Variants in MAZ observed in about 807,000 individuals in gnomAD.
The protein encoded by MAZ is MYC associated zinc finger protein.
MAZ carries 4 observed loss-of-function variants against 32.7 expected under a neutral mutation model. That is an observed-to-expected ratio of 0.12 (90% CI 0.06 to 0.28). MAZ has a LOEUF of 0.28. Ranked by LOEUF, MAZ falls within the 10% of genes least tolerant of loss-of-function variation. The pLI is 1.00. For synonymous variants in MAZ, 510 were observed against 297.6 expected (o/e 1.71, Z -7.35); for missense variants, 763 against 667.2 (o/e 1.14, Z -1.58).
rs1341053875 is a variant in MAZ, at chr16:29,811,143, A to G, written c.*912A>G. The G allele has an allele frequency of 4.7e-6, 2 of 430,044 alleles. No individual in the cohort carries two copies. The highest frequency in any genetic ancestry group is 5.4e-5 in the Admixed American group (2 of 37,152). The allele number at this position is 430,044 out of a possible 1,614,324, so 26.6% of individuals were successfully genotyped here. ...TTCCTTTTGCGCGGACCCCATTACAATAAATTTTAAATAAAATCCTGTTTC... is the reference window on the plus strand; with the variant it reads ...TTCCTTTTGCGCGGACCCCATTACAGTAAATTTTAAATAAAATCCTGTTTC... On this transcript the variant is annotated 3_prime_UTR_variant, in exon 5 of 5. Coordinates refer to ENST00000322945, the MANE Select transcript of MAZ (RefSeq NM_002383.4).
intron 4 of MAZ, 173 bp downstream of exon 4, chr16:29,808,914 A>G: frequency 1.6e-6 from 1 of 619,198 alleles, no homozygotes; most frequent in Admixed American, 3.1e-5. Context: ...ATTAGACTCT[A>G]AGAAGTCCTG....
intron 2 of MAZ, 147 bp downstream of exon 2, chr16:29,807,975 C>G (rs1373223092): frequency 2.8e-6 from 4 of 1,405,540 alleles, no homozygotes; most frequent in East Asian, 5.0e-5. Context: ...AAGCCTCTCC[C>G]GGTTACCAGG....
intron 4 of MAZ, 50 bp from the exon 5 acceptor site, chr16:29,810,027 G>A (rs746633277): frequency 1.3e-6 from 2 of 1,573,782 alleles, no homozygotes; most frequent in South Asian, 1.2e-5. Flanking sequence ...TGAGGGCAAG[G>A]CTCTTGCCAT....
At position 29,807,406 on chromosome 16, in the gene MAZ, G is replaced by A. The variant is rs1164973881; in HGVS notation, c.621G>A (p.Arg207=). 9 of 1,612,298 alleles carry A rather than the reference G, an allele frequency of 5.6e-6. No individual in the cohort carries two copies. The highest frequency in any genetic ancestry group is 5.5e-5 in the South Asian group (5 of 91,080). The change falls in exon 2 of 5, where the codon AGG becomes AGA. Residue 207 remains arginine, a synonymous_variant. Coordinates refer to ENST00000322945, the MANE Select transcript of MAZ (RefSeq NM_002383.4). Reference sequence around the variant, plus strand: ...TCAAGAACGGCTACAATCTCCGGAGGCACGAAGCCATCCACACGGGAGCCA... The same window carrying A: ...TCAAGAACGGCTACAATCTCCGGAGACACGAAGCCATCCACACGGGAGCCA... ...KEFKNGYNLR[R]HEAIHTGAKA...
At chr16:29,809,244 C>G (rs1255287800) in intron 4 of MAZ, 3 of 533,128 alleles carry the variant, frequency 5.6e-6, no homozygotes, top group South Asian at 5.0e-5. Context: ...GAGGGTCAAC[C>G]CTGCAAGTGG....
intron 4 of MAZ, 167 bp from the exon 5 acceptor site, chr16:29,809,910 T>TGAG: frequency 8.1e-7 from 1 of 1,230,026 alleles, no homozygotes. Flanking sequence ...GGAGGATCCT[T>TGAG]GAGAACTGCT....
At position 29,807,631 on chromosome 16, in the gene MAZ, G is replaced by C. The variant is rs748475913; in HGVS notation, c.846G>C (p.Glu282Asp). 1.9e-6 allele frequency: 3 copies of C among 1,612,652 alleles called. No individual in the cohort carries two copies. The highest frequency in any genetic ancestry group is 2.7e-5 in the African/African-American group (2 of 74,928). ...GKRIRKNHACEMCGKAFRDVY... is the reference protein window; with the variant it reads ...GKRIRKNHACDMCGKAFRDVY... Reference sequence around the variant, plus strand: ...GCATCCGGAAGAACCATGCCTGCGAGATGTGTGGCAAGGCCTTCCGCGACG... The same window carrying C: ...GCATCCGGAAGAACCATGCCTGCGACATGTGTGGCAAGGCCTTCCGCGACG... The change falls in exon 2 of 5, where the codon GAG becomes GAC. Residue 282 changes from glutamate (E) to aspartate (D), a missense_variant. Glu to Asp is a conservative substitution (Grantham distance 45). Transcript: ENST00000322945.
chr16:29,807,371 G>T lies in MAZ; in HGVS notation c.586G>T (p.Ala196Ser). The T allele has an allele frequency of 6.2e-7, 1 of 1,612,408 alleles. No individual in the cohort carries two copies. Among genetic ancestry groups the T allele is most frequent in the Non-Finnish European group, 8.5e-7 (1 of 1,179,734 alleles). The change falls in exon 2 of 5, where the codon GCC (alanine) becomes TCC (serine). Residue 196 changes from alanine (A) to serine (S), a missense_variant. Physicochemically the swap from Ala to Ser is moderately conservative, Grantham distance 99. Coordinates refer to ENST00000322945, the MANE Select transcript of MAZ (RefSeq NM_002383.4). Reference protein sequence around the residue: ...SKGPYICALCAKEFKNGYNLR... With the variant: ...SKGPYICALCSKEFKNGYNLR... Reference sequence around the variant, plus strand: ...GGGGCCCTACATCTGCGCTCTGTGCGCCAAGGAGTTCAAGAACGGCTACAA... The same window carrying T: ...GGGGCCCTACATCTGCGCTCTGTGCTCCAAGGAGTTCAAGAACGGCTACAA...
intron 4 of MAZ, chr16:29,809,811 A>T: frequency 3.7e-6 from 4 of 1,086,034 alleles, no homozygotes; most frequent in Non-Finnish European, 5.1e-6. Context: ...GGTGTGGGGG[A>T]CAACGGGGCT....
rs200389765 is a variant in MAZ at position 29,806,795 on chromosome 16, C to T, written c.94C>T (p.Pro32Ser). Residue 32 changes from proline to serine, a missense_variant, in exon 1 of 5, where the codon CCG (proline) becomes TCG (serine). Pro to Ser is a moderately conservative substitution (Grantham distance 74). Coordinates refer to ENST00000322945, the MANE Select transcript of MAZ (RefSeq NM_002383.4). ...GGTGGGCGGCCTCATGAACTCCTTC[C>T]CGCCACCTCAGGGTCACGCCCAGAA... is the stretch of plus-strand genomic sequence containing the variant. The part of the protein sequence containing the change: ...RGVGGLMNSF[P>S]PPQGHAQNPL... The T allele has an allele frequency of 9.8e-6, 14 of 1,434,602 alleles. No individual in the cohort carries two copies. Among genetic ancestry groups the T allele is most frequent in the Non-Finnish European group, 1.3e-5 (14 of 1,087,338 alleles). 88.9% of individuals were successfully genotyped at this position (1,434,602 alleles called of 1,614,324 possible).
chr16:29,807,872 G>C, intron 2 of MAZ, 44 bp downstream of exon 2: 1 of 1,586,034 alleles, frequency 6.3e-7, no homozygotes, highest in Non-Finnish European at 8.5e-7. Context: ...TGGGGAGGGA[G>C]GGACGCGACG....
rs746173841 is a variant in MAZ at position 29,810,152 on chromosome 16, C to T, written c.1355C>T (p.Pro452Leu). The T allele has an allele frequency of 1.2e-6, 2 of 1,611,170 alleles. No homozygotes were observed. Among genetic ancestry groups the T allele is most frequent in the Admixed American group, 1.7e-5 (1 of 59,702 alleles). ...AAAAAAAVAA[P>L]PTAVGSLSGA... Reference sequence around the variant, plus strand: ...GCAGCAGCGGCAGCAGTAGCAGCCCCTCCCACAGCTGTGGGCTCCCTCTCG... The same window carrying T: ...GCAGCAGCGGCAGCAGTAGCAGCCCTTCCCACAGCTGTGGGCTCCCTCTCG... Residue 452 changes from proline (P) to leucine (L), a missense_variant, in exon 5 of 5, where the codon CCT becomes CTT. Coordinates refer to ENST00000322945, the MANE Select transcript of MAZ (RefSeq NM_002383.4).
chr16:29,810,120 G>GGCAGCGGCGGCAGCGGCA lies in MAZ; in HGVS notation c.1331_1332insGGCAGCGGCAGCAGCGGC (p.Ala443_Ala448dup), dbSNP rs1899840624. The GGCAGCGGCGGCAGCGGCA allele has an allele frequency of 2.5e-6, 4 of 1,598,240 alleles. No homozygotes were observed. The highest frequency in any genetic ancestry group is 1.7e-5 in the Admixed American group (1 of 59,436). ...CAATGGCGGCGGCAGCGGCAGCGGC[G>GGCAGCGGCGGCAGCGGCA]GCAGCGGCAGCAGCGGCAGCAGTAG... On this transcript the variant is annotated inframe_insertion, in exon 5 of 5. Coordinates refer to ENST00000322945, the MANE Select transcript of MAZ (RefSeq NM_002383.4).
chr16:29,807,376 G>C lies in MAZ; in HGVS notation c.591G>C (p.Lys197Asn). The change falls in exon 2 of 5, where the codon AAG (lysine) becomes AAC (asparagine). Residue 197 changes from lysine to asparagine, a missense_variant. Lys to Asn is a moderately conservative substitution (Grantham distance 94). Coordinates refer to ENST00000322945, the MANE Select transcript of MAZ (RefSeq NM_002383.4). ...KGPYICALCA[K>N]EFKNGYNLRR... ...CCTACATCTGCGCTCTGTGCGCCAAGGAGTTCAAGAACGGCTACAATCTCC... is the reference window on the plus strand; with the variant it reads ...CCTACATCTGCGCTCTGTGCGCCAACGAGTTCAAGAACGGCTACAATCTCC... 1 of 1,612,428 alleles carries C rather than the reference G, an allele frequency of 6.2e-7. No individual in the cohort carries two copies. Among genetic ancestry groups the C allele is most frequent in the Non-Finnish European group, 8.5e-7 (1 of 1,179,748 alleles).
In MAZ at chr16:29,810,659, T is replaced by G; in HGVS notation, c.*428T>G. ...CTCCCCGGGGAGTTGGTGCTTTCTTTTCCTTTTTTTTTTTTTTCCAGGGGG... is the reference window on the plus strand; with the variant it reads ...CTCCCCGGGGAGTTGGTGCTTTCTTGTCCTTTTTTTTTTTTTTCCAGGGGG... On this transcript the variant is annotated 3_prime_UTR_variant, in exon 5 of 5. Coordinates refer to ENST00000322945, the MANE Select transcript of MAZ (RefSeq NM_002383.4). The G allele has an allele frequency of 1.1e-5, 6 of 542,224 alleles. No individual in the cohort carries two copies. Among genetic ancestry groups the G allele is most frequent in the East Asian group, 3.4e-5 (1 of 29,722 alleles). 33.6% of individuals were successfully genotyped at this position (542,224 alleles called of 1,614,324 possible). A position where few individuals can be genotyped will look rare whatever the true frequency, so the allele number is the denominator to read the frequency against.
chr16:29,807,470 A>C lies in MAZ; in HGVS notation c.685A>C (p.Thr229Pro), dbSNP rs1899583206. 1 of 1,612,128 alleles carries C rather than the reference A, an allele frequency of 6.2e-7. No individual in the cohort carries two copies. The highest frequency in any genetic ancestry group is 8.5e-7 in the Non-Finnish European group (1 of 1,179,710). The part of the protein sequence containing the change: ...RVPSGAMKMP[T>P]MVPLSLLSVP... ...CCCCTCGGGTGCTATGAAGATGCCG[A>C]CCATGGTGCCCCTGAGCCTCCTGAG... is the stretch of plus-strand genomic sequence containing the variant. The change falls in exon 2 of 5, where the codon ACC (threonine) becomes CCC (proline). Residue 229 changes from threonine to proline, a missense_variant. Thr to Pro is a conservative substitution (Grantham distance 38, BLOSUM62 -1). Transcript: ENST00000322945.
In MAZ at chr16:29,807,531, G is replaced by A. The variant is rs1899589608; in HGVS notation, c.746G>A (p.Gly249Glu). ...CTGAGCGGAGCCGGCGGGGGAGGGG[G>A]AGAGGCGGGTGCCGGCGGCGGCGCT... ...PQLSGAGGGGGEAGAGGGAAA... is the reference protein window; with the variant it reads ...PQLSGAGGGGEEAGAGGGAAA... The change falls in exon 2 of 5, where the codon GGA becomes GAA. Residue 249 changes from glycine to glutamate, a missense_variant. Transcript: ENST00000322945. The A allele has an allele frequency of 1.2e-6, 2 of 1,604,390 alleles. No individual in the cohort carries two copies. Among genetic ancestry groups the A allele is most frequent in the Non-Finnish European group, 1.7e-6 (2 of 1,176,900 alleles).
In MAZ at chr16:29,807,480, CCCTGAGCCT is replaced by C; in HGVS notation, c.703_711del (p.Leu235_Ser237del). On this transcript the variant is annotated inframe_deletion, in exon 2 of 5. Coordinates refer to ENST00000322945, the MANE Select transcript of MAZ (RefSeq NM_002383.4). ...GCTATGAAGATGCCGACCATGGTGC[CCCTGAGCCT>C]CCTGAGCGTGCCCCAGCTGAGCGGA... 14 of 1,612,242 alleles carry C rather than the reference CCCTGAGCCT, an allele frequency of 8.7e-6. No individual in the cohort carries two copies. The highest frequency in any genetic ancestry group is 1.1e-5 in the Non-Finnish European group (13 of 1,179,684).
Position 29,806,575 on chromosome 16 carries a change from GC to G in MAZ, c.-124del. 1 of 956,432 alleles carries G rather than the reference GC, an allele frequency of 1.0e-6. No homozygotes were observed. Among genetic ancestry groups the G allele is most frequent in the Non-Finnish European group, 1.2e-6 (1 of 810,072 alleles). 59.2% of individuals were successfully genotyped at this position (956,432 alleles called of 1,614,324 possible). On this transcript the variant is annotated 5_prime_UTR_variant, in exon 1 of 5. Coordinates refer to ENST00000322945, the MANE Select transcript of MAZ (RefSeq NM_002383.4). ...GCCGGGGTGCGCGGGCGGCGGGGCG[GC>G]CCGCGGGCCATGCGTTCGGCGCGGC... is the stretch of plus-strand genomic sequence containing the variant.
Sources: gnomAD v4.1 joint callset for allele counts on GRCh38, gnomAD v4.1.1 for gene constraint, MANE v1.5 for transcripts, NCBI Gene and HGNC (gene_info 2026-07-23, HGNC 2026-07-21) for gene names.